Variants in CDH12 observed in about 807,000 individuals in gnomAD.
The protein encoded by CDH12 is cadherin 12.
CDH12 carries 41 observed loss-of-function variants against 74.1 expected under a neutral mutation model. That is an observed-to-expected ratio of 0.55 (90% CI 0.43 to 0.72). The LOEUF (loss-of-function observed/expected upper bound fraction) is 0.72. Ranked by LOEUF, CDH12 falls within the 30% of genes least tolerant of loss-of-function variation. The pLI, the probability that CDH12 is intolerant of heterozygous loss-of-function variation, is 0.00. For missense variants in CDH12, 945 were observed against 977.2 expected, an observed-to-expected ratio of 0.97 and a Z score of 0.44; for synonymous variants, 399 against 355.0, an observed-to-expected ratio of 1.12 and a Z score of -1.39.
chr5:22,556,227 G>T (rs965424685), intron 1 of CDH12, among the ~76,000 whole-genome samples: 1 of 152,054 alleles, frequency 6.6e-6, no homozygotes, highest in East Asian at 1.9e-4. Flanking sequence ...ACACATAAAA[G>T]CAATTCTTTG....
chr5:21,759,349 C>T (rs1744583611), intron 13 of CDH12, among the ~76,000 whole-genome samples: 2 of 151,320 alleles, frequency 1.3e-5, no homozygotes, highest in South Asian at 4.2e-4. Flanking sequence ...TCTTTCCTTC[C>T]TCTTCATTAG....
Position 22,261,368 on chromosome 5 carries a change from T to C in CDH12, c.-332-48725A>G, listed in dbSNP as rs1193268325. On this transcript the variant is annotated intron_variant, in intron 3 of 14. Coordinates refer to ENST00000382254, the MANE Select transcript of CDH12 (RefSeq NM_004061.5). ...TCTCTATTTTCAGCTTTCCCCACCC[T>C]TTTGGTCATTTTACTTTCAAGATGT... 3.3e-5 allele frequency among the ~76,000 whole-genome samples: 5 copies of C among 152,124 alleles called. No homozygotes were observed. In the East Asian group the frequency reaches 9.7e-4, roughly 29 times the overall value.
At position 22,174,048 on chromosome 5, in the gene CDH12, C is replaced by A. The variant is rs555868395; in HGVS notation, c.-187+38450G>T. Among the ~76,000 whole-genome samples the A allele has an allele frequency of 2.6e-5, 4 of 152,036 alleles. No individual in the cohort carries two copies. The East Asian group carries it at 7.7e-4, about 29-fold the overall frequency. On this transcript the variant is annotated intron_variant, in intron 4 of 14. Transcript: ENST00000382254. ...ATTGTGATTTGTAACGCATGCAATG[C>A]TTTACGAATAAATATCATTTCATTT... is the stretch of plus-strand genomic sequence containing the variant.
intron 1 of CDH12, among the ~76,000 whole-genome samples, chr5:22,654,037 CCCTT>C (rs111413726): frequency 0.052 from 6,027 of 116,822 alleles, 512 homozygotes; most frequent in African/African-American, 0.18. Context: ...TTCTCCCTTC[CCCTT>C]CCTTCCTTCC....
At chr5:22,254,978 A>G (rs1753263490) in intron 3 of CDH12, among the ~76,000 whole-genome samples, 1 of 151,794 alleles carries the variant, frequency 6.6e-6, no homozygotes, top group African/African-American at 2.4e-5. Flanking sequence ...CAAACACTGG[A>G]TCTAATTCCA....
At chr5:22,505,418 T>C (rs1211690524) in intron 1 of CDH12, 54 bp from the exon 2 acceptor site, 2 of 604,274 alleles carry the variant, frequency 3.3e-6, no homozygotes, top group African/African-American at 2.0e-5. Flanking sequence ...CTAATAAACA[T>C]TTATTTTAGA....
At chr5:22,071,745 C>G (rs1207809107) in intron 5 of CDH12, among the ~76,000 whole-genome samples, 1 of 152,046 alleles carries the variant, frequency 6.6e-6, no homozygotes, top group Non-Finnish European at 1.5e-5. Flanking sequence ...ATATACTTCA[C>G]CTGTGTACTT....
intron 3 of CDH12, among the ~76,000 whole-genome samples, chr5:22,325,730 C>CA (rs1349805079): frequency 2.2e-4 from 34 of 151,762 alleles, no homozygotes; most frequent in African/African-American, 2.9e-4. Context: ...ACTAAAAATA[C>CA]AAAAAAAATC....
chr5:21,915,421 T>G (rs1205359820), intron 6 of CDH12, among the ~76,000 whole-genome samples: 1 of 152,070 alleles, frequency 6.6e-6, no homozygotes, highest in African/African-American at 2.4e-5. Context: ...TATAAGAATT[T>G]AAAAAGGAAC....
At chr5:22,182,897 G>A (rs1019923842) in intron 4 of CDH12, among the ~76,000 whole-genome samples, 6 of 151,970 alleles carry the variant, frequency 3.9e-5, no homozygotes, top group Admixed American at 3.3e-4. Flanking sequence ...TAGCGATGAA[G>A]CATTTTATGG....
chr5:22,204,916 C>A (rs1401108079), intron 4 of CDH12, among the ~76,000 whole-genome samples: 3 of 152,136 alleles, frequency 2.0e-5, no homozygotes, highest in Non-Finnish European at 4.4e-5. Flanking sequence ...TGATGGCAGA[C>A]CACAAGCATT....
At chr5:22,733,270 T>A (rs1046784658) in intron 1 of CDH12, among the ~76,000 whole-genome samples, 7 of 151,956 alleles carry the variant, frequency 4.6e-5, no homozygotes, top group Non-Finnish European at 8.8e-5. Flanking sequence ...GTTAATTAAA[T>A]ATTTTTAAAA....
intron 4 of CDH12, among the ~76,000 whole-genome samples, chr5:22,201,722 G>GA (rs1450040607): frequency 1.3e-5 from 2 of 151,978 alleles, no homozygotes; most frequent in African/African-American, 4.8e-5. Context: ...AAAAAGCAGG[G>GA]AAACTACAAG....
intron 2 of CDH12, among the ~76,000 whole-genome samples, chr5:22,478,859 A>C (rs188856685): frequency 6.6e-6 from 1 of 152,286 alleles, no homozygotes; most frequent in South Asian, 2.1e-4. Flanking sequence ...TCATTTAGAT[A>C]ATTTTGAAAG....
chr5:22,813,445 C>G (rs995687122), intron 1 of CDH12, among the ~76,000 whole-genome samples: 3 of 152,088 alleles, frequency 2.0e-5, no homozygotes, highest in African/African-American at 7.2e-5. Context: ...CTTACTTTTT[C>G]ATCTCTGTGG....
intron 1 of CDH12, among the ~76,000 whole-genome samples, chr5:22,548,649 C>T (rs10155549): frequency 0.16 from 24,559 of 151,908 alleles, 2,559 homozygotes; most frequent in East Asian, 0.37. Context: ...GAATCGGTGC[C>T]TCTTGTGTGT....
intron 3 of CDH12, among the ~76,000 whole-genome samples, chr5:22,334,581 A>C (rs1739494541): frequency 6.6e-6 from 1 of 152,196 alleles, no homozygotes; most frequent in Admixed American, 6.5e-5. Context: ...AACTGGAGGA[A>C]TCACGTTACC....
chr5:21,755,576 A>G lies in CDH12; in HGVS notation c.1885+15T>C, dbSNP rs16888487. The G allele has an allele frequency of 0.033, 53,074 of 1,604,098 alleles. 1,012 individuals carry two copies. Among genetic ancestry groups the G allele is most frequent in the Middle Eastern group, 0.056 (337 of 6,008 alleles). On this transcript the variant is annotated intron_variant, in intron 14 of 14. Coordinates refer to ENST00000382254, the MANE Select transcript of CDH12 (RefSeq NM_004061.5). Reference sequence around the variant, plus strand: ...GAGCGAGAAAAAATTAACAATGATTAATATTGAAACCAACCTAAGAGTATA... The same window carrying G: ...GAGCGAGAAAAAATTAACAATGATTGATATTGAAACCAACCTAAGAGTATA...
At chr5:21,859,506 C>G (rs1460708660) in intron 6 of CDH12, among the ~76,000 whole-genome samples, 1 of 151,822 alleles carries the variant, frequency 6.6e-6, no homozygotes, top group Non-Finnish European at 1.5e-5. Flanking sequence ...AATCAGTGTC[C>G]AATATATGGT....
Sources: gnomAD v4.1 joint callset for allele counts (sites outside exome capture counted in the v4.1 genomes callset) on GRCh38, gnomAD v4.1.1 for gene constraint, MANE v1.5 for transcripts, NCBI Gene and HGNC (gene_info 2026-07-23, HGNC 2026-07-21) for gene names.